Variants in BFSP2 observed in about 807,000 individuals in gnomAD.
BFSP2 encodes beaded filament structural protein 2, also known as phakinin.
A neutral mutation model predicts 44.9 loss-of-function variants in BFSP2; 38 were observed. The ratio of observed to expected loss-of-function variants is 0.85; its 90% CI spans 0.65 to 1.11. BFSP2 has a LOEUF of 1.11. Ranked by LOEUF, BFSP2 falls within the 50% of genes least tolerant of loss-of-function variation. The probability of loss-of-function intolerance (pLI) is 0.00; values close to 1 mark genes in which losing one functional copy is unlikely to be tolerated. For synonymous variants in BFSP2, 197 were observed against 209.9 expected, an observed-to-expected ratio of 0.94 and a Z score of 0.53; for missense variants, 525 against 533.0, an observed-to-expected ratio of 0.99 and a Z score of 0.15.
At chr3:133,410,560 G>C in intron 1 of BFSP2, 1 of 277,406 alleles carries the variant, frequency 3.6e-6, no homozygotes, top group South Asian at 4.8e-5. Flanking sequence ...AATGCAAACG[G>C]GGATTCTCCC....
intron 3 of BFSP2, 70 bp downstream of exon 3, chr3:133,448,715 T>C (rs1244299625): frequency 1.3e-6 from 2 of 1,566,756 alleles, no homozygotes; most frequent in Admixed American, 1.8e-5. Context: ...CTGTGCTTCA[T>C]AACAAGGCCA....
Position 133,447,357 on chromosome 3 carries a change from A to T in BFSP2, c.530A>T (p.Gln177Leu), listed in dbSNP as rs1269297935. 13 of 1,613,966 alleles carry T rather than the reference A, an allele frequency of 8.1e-6. No homozygotes were observed. The highest frequency in any genetic ancestry group is 9.3e-6 in the Non-Finnish European group (11 of 1,180,028). ...AVLENARLMLQTETIQAGADD... is the reference protein window; with the variant it reads ...AVLENARLMLLTETIQAGADD... ...TTGGAAAATGCCCGGCTCATGCTGC[A>T]GACAGAAACTATCCAGGCCGGAGCA... Residue 177 changes from glutamine (Q) to leucine (L), a missense_variant, in exon 2 of 7, where the codon CAG (glutamine) becomes CTG (leucine). By Grantham distance (113) the Gln-to-Leu change is moderately radical. Coordinates refer to ENST00000302334, the MANE Select transcript of BFSP2 (RefSeq NM_003571.4).
At chr3:133,428,931 C>T (rs1045542477) in intron 1 of BFSP2, among the ~76,000 whole-genome samples, 1 of 152,150 alleles carries the variant, frequency 6.6e-6, no homozygotes, top group Non-Finnish European at 1.5e-5. Context: ...TTTATTTATG[C>T]GATCGATCTC....
chr3:133,460,926 T>C (rs2074056562), intron 4 of BFSP2, among the ~76,000 whole-genome samples: 1 of 152,236 alleles, frequency 6.6e-6, no homozygotes, highest in African/African-American at 2.4e-5. Flanking sequence ...GCACAGCAAC[T>C]GCTTAGTGAA....
At chr3:133,421,305 C>T (rs2073590069) in intron 1 of BFSP2, among the ~76,000 whole-genome samples, 1 of 152,238 alleles carries the variant, frequency 6.6e-6, no homozygotes, top group Non-Finnish European at 1.5e-5. Context: ...AAGCTATTCT[C>T]TCACAGGCCT....
At chr3:133,445,532 C>T (rs1298814839) in intron 1 of BFSP2, 1 of 152,208 alleles carries the variant, frequency 6.6e-6, no homozygotes, top group African/African-American at 2.4e-5. Flanking sequence ...AAAGTACAGT[C>T]AGTCCTTCAC....
At chr3:133,440,592 T>G (rs561780739) in intron 1 of BFSP2, among the ~76,000 whole-genome samples, 1 of 152,176 alleles carries the variant, frequency 6.6e-6, no homozygotes, top group South Asian at 2.1e-4. Context: ...CCCTCGTATT[T>G]CTGAGGTTGC....
chr3:133,456,619 G>C (rs2074015451), intron 4 of BFSP2, among the ~76,000 whole-genome samples: 1 of 152,104 alleles, frequency 6.6e-6, no homozygotes, highest in South Asian at 2.1e-4. Flanking sequence ...GGTGACATGT[G>C]CCTGCAGTCC....
At chr3:133,410,450 AC>A in intron 1 of BFSP2, 1 of 271,804 alleles carries the variant, frequency 3.7e-6, no homozygotes, top group Non-Finnish European at 7.4e-6. Flanking sequence ...GCCCTGGGAA[AC>A]CCCAGGCTGT....
chr3:133,424,780 T>G (rs1386821749), intron 1 of BFSP2, among the ~76,000 whole-genome samples: 4 of 152,088 alleles, frequency 2.6e-5, no homozygotes, highest in Non-Finnish European at 5.9e-5. Context: ...GGATTACAGG[T>G]GCACAACACC....
chr3:133,452,988 G>A (rs1385260190), intron 4 of BFSP2, among the ~76,000 whole-genome samples: 1 of 152,102 alleles, frequency 6.6e-6, no homozygotes, highest in Non-Finnish European at 1.5e-5. Context: ...CATTAATTCT[G>A]AACAGATTCA....
intron 1 of BFSP2, chr3:133,410,786 C>A: frequency 9.6e-6 from 2 of 207,496 alleles, no homozygotes; most frequent in South Asian, 1.0e-4. Flanking sequence ...AGCTGCAGCC[C>A]AGCAGCAAAG....
At chr3:133,430,913 G>GT (rs1379211292) in intron 1 of BFSP2, among the ~76,000 whole-genome samples, 9 of 152,024 alleles carry the variant, frequency 5.9e-5, no homozygotes, top group South Asian at 2.1e-4. Context: ...CCGGCTTATG[G>GT]TTTCATTCCG....
chr3:133,472,452 C>A lies in BFSP2; in HGVS notation c.1131C>A (p.Ile377=), dbSNP rs1205099804. The A allele has an allele frequency of 6.2e-7, 1 of 1,613,976 alleles. No homozygotes were observed. The highest frequency in any genetic ancestry group is 1.7e-5 in the Admixed American group (1 of 60,002). The change falls in exon 6 of 7, where the codon ATC becomes ATA. Residue 377 remains isoleucine, a synonymous_variant. Transcript: ENST00000302334. ...GGCTGGAGGCGGAGCTCAGGGAAAT[C>A]CGAGCGGAGGCGGAGCAGCAGCAAC... is the stretch of plus-strand genomic sequence containing the variant. ...VGRLEAELRE[I]RAEAEQQQQE...
intron 4 of BFSP2, among the ~76,000 whole-genome samples, chr3:133,454,083 T>G (rs1035860285): frequency 1.3e-5 from 2 of 152,190 alleles, no homozygotes; most frequent in South Asian, 4.1e-4. Flanking sequence ...TGCAGGGTAC[T>G]CAGGGATGCT....
chr3:133,421,353 C>T (rs60904681), intron 1 of BFSP2, among the ~76,000 whole-genome samples: 13,364 of 152,276 alleles, frequency 0.088, 681 homozygotes, highest in Middle Eastern at 0.18. Flanking sequence ...TTAGCAGGGG[C>T]AGCTCCTTGT....
chr3:133,454,754 T>C (rs1258961847), intron 4 of BFSP2, among the ~76,000 whole-genome samples: 1 of 152,094 alleles, frequency 6.6e-6, no homozygotes, highest in African/African-American at 2.4e-5. Flanking sequence ...GGGCACAGAG[T>C]CCCCAACTCC....
chr3:133,438,122 G>T (rs2073808832), intron 1 of BFSP2, among the ~76,000 whole-genome samples: 1 of 152,232 alleles, frequency 6.6e-6, no homozygotes. Flanking sequence ...AAGGGAAAGG[G>T]AGGTGGAGGG....
At chr3:133,407,917 T>C (rs903125354) in intron 1 of BFSP2, among the ~76,000 whole-genome samples, 2 of 152,116 alleles carry the variant, frequency 1.3e-5, no homozygotes, top group Non-Finnish European at 2.9e-5. Context: ...AATGAAACCA[T>C]ACAAGTAGAA....
Sources: gnomAD v4.1 joint callset for allele counts (sites outside exome capture counted in the v4.1 genomes callset) on GRCh38, gnomAD v4.1.1 for gene constraint, MANE v1.5 for transcripts, NCBI Gene and HGNC (gene_info 2026-07-23, HGNC 2026-07-21) for gene names.